BMAL2: variants seen among roughly 807,000 people sequenced by gnomAD.
BMAL2 encodes basic helix-loop-helix ARNT like 2.
the BMAL2 span, among the ~76,000 whole-genome samples, chr12:27,356,504 A>G: frequency 6.6e-6 from 1 of 152,150 alleles, no homozygotes; most frequent in Non-Finnish European, 1.5e-5. Context: ...GCTATCCCCC[A>G]ATAGTCCATA....
At chr12:27,410,305 T>C in the BMAL2 span, among the ~76,000 whole-genome samples, 148 of 152,362 alleles carry the variant, frequency 9.7e-4, no homozygotes, top group African/African-American at 3.4e-3. Flanking sequence ...CGTATGTTTA[T>C]TGCAGCACTA....
the BMAL2 span, chr12:27,422,732 G>A: frequency 6.6e-6 from 1 of 152,238 alleles, no homozygotes; most frequent in Non-Finnish European, 1.5e-5. Flanking sequence ...TTGAGCAGAG[G>A]GGCCTGCCTA....
the BMAL2 span, chr12:27,387,190 C>T: frequency 2.2e-6 from 3 of 1,378,922 alleles, no homozygotes; most frequent in Admixed American, 1.7e-5. Context: ...AAGAGACAGA[C>T]AATATTTTAA....
the BMAL2 span, among the ~76,000 whole-genome samples, chr12:27,351,941 A>G: frequency 3.3e-5 from 5 of 152,188 alleles, no homozygotes; most frequent in African/African-American, 1.2e-4. Context: ...AAAATTTAAT[A>G]TTTTTAGACC....
the BMAL2 span, among the ~76,000 whole-genome samples, chr12:27,397,677 C>T: frequency 6.6e-6 from 1 of 152,110 alleles, no homozygotes; most frequent in Non-Finnish European, 1.5e-5. Context: ...TGAATCAAAC[C>T]TTCATGGGTC....
the BMAL2 span, chr12:27,423,331 T>C: frequency 8.0e-4 from 106 of 131,734 alleles, no homozygotes; most frequent in African/African-American, 2.6e-3. Context: ...TTTCTTTTTT[T>C]TTTTTTTTTT....
the BMAL2 span, among the ~76,000 whole-genome samples, chr12:27,360,717 A>G: frequency 6.9e-6 from 1 of 145,126 alleles, no homozygotes; most frequent in African/African-American, 2.6e-5. Context: ...ACATTTTCTT[A>G]TTTGATTCTG....
chr12:27,373,455 C>G, the BMAL2 span, among the ~76,000 whole-genome samples: 1 of 152,122 alleles, frequency 6.6e-6, no homozygotes, highest in African/African-American at 2.4e-5. Flanking sequence ...GAGTTAGAGA[C>G]TCAGACATCA....
At chr12:27,382,375 C>A in the BMAL2 span, among the ~76,000 whole-genome samples, 4 of 152,170 alleles carry the variant, frequency 2.6e-5, no homozygotes, top group African/African-American at 9.7e-5. Flanking sequence ...GGCAAGATCT[C>A]TGCCCTTTAA....
the BMAL2 span, among the ~76,000 whole-genome samples, chr12:27,360,326 A>G: frequency 1.3e-5 from 2 of 152,180 alleles, no homozygotes; most frequent in South Asian, 4.1e-4. Flanking sequence ...TGCTAAATGC[A>G]TTGTGATCCT....
chr12:27,370,700 G>A, the BMAL2 span, among the ~76,000 whole-genome samples: 8 of 152,210 alleles, frequency 5.3e-5, no homozygotes, highest in Admixed American at 5.2e-4. Context: ...CCGCCTCCTG[G>A]GTTCAAGTGA....
chr12:27,351,863 G>T, the BMAL2 span, among the ~76,000 whole-genome samples: 1 of 152,102 alleles, frequency 6.6e-6, no homozygotes, highest in African/African-American at 2.4e-5. Context: ...TGATTGGTTG[G>T]CCCTACTTTA....
chr12:27,412,300 G>A, the BMAL2 span, among the ~76,000 whole-genome samples: 1 of 152,304 alleles, frequency 6.6e-6, no homozygotes, highest in African/African-American at 2.4e-5. Flanking sequence ...TAGGTAGAAG[G>A]AATCATAGTG....
At chr12:27,388,091 A>G in the BMAL2 span, among the ~76,000 whole-genome samples, 1 of 150,258 alleles carries the variant, frequency 6.7e-6, no homozygotes, top group Non-Finnish European at 1.5e-5. Flanking sequence ...ACACATGCAC[A>G]CACACATGCA....
the BMAL2 span, chr12:27,370,263 C>T: frequency 2.6e-6 from 4 of 1,512,286 alleles, 1 homozygote; most frequent in Non-Finnish European, 2.8e-6. Context: ...CATACTCTCT[C>T]CCCTACTTGA....
At chr12:27,387,449 C>CTTGG in the BMAL2 span, 5 of 653,662 alleles carry the variant, frequency 7.6e-6, no homozygotes, top group Non-Finnish European at 1.3e-5. Context: ...GTTAGAACTC[C>CTTGG]AAGAGAGATG....
the BMAL2 span, among the ~76,000 whole-genome samples, chr12:27,365,475 G>A: frequency 6.6e-6 from 1 of 151,910 alleles, no homozygotes; most frequent in Non-Finnish European, 1.5e-5. Flanking sequence ...TCAAAATTAT[G>A]TAAGCCTCCT....
chr12:27,358,580 T>C, the BMAL2 span, among the ~76,000 whole-genome samples: 8,371 of 152,224 alleles, frequency 0.055, 766 homozygotes, highest in African/African-American at 0.19. Context: ...CTATTCATAG[T>C]GTTCTCGAAG....
the BMAL2 span, chr12:27,418,224 A>G: frequency 9.3e-6 from 14 of 1,504,074 alleles, no homozygotes; most frequent in Non-Finnish European, 1.1e-5. Context: ...ACTGCTGACC[A>G]TTTTCGTTTA....
Sources: gnomAD v4.1 joint callset for allele counts (sites outside exome capture counted in the v4.1 genomes callset) on GRCh38, gnomAD v4.1.1 for gene constraint, MANE v1.5 for transcripts, NCBI Gene and HGNC (gene_info 2026-07-23, HGNC 2026-07-21) for gene names.